The following RAP2A variants were observed in gnomAD, a reference collection of about 807,000 sequenced individuals.
The protein encoded by RAP2A is ras-related protein Rap-2a.
A neutral mutation model predicts 15.1 loss-of-function variants in RAP2A; 5 were observed. The ratio of observed to expected loss-of-function variants is 0.33; its 90% CI spans 0.17 to 0.70. The LOEUF is 0.70. Ranked by LOEUF, RAP2A falls within the 30% of genes least tolerant of loss-of-function variation. The pLI is 0.68. For synonymous variants in RAP2A, 110 were observed against 99.7 expected, an observed-to-expected ratio of 1.10 and a Z score of -0.62; for missense variants, 111 against 240.3, an observed-to-expected ratio of 0.46 and a Z score of 3.56.
At chr13:97,443,192 AATATCTT>A (rs1380847846) in intron 1 of RAP2A, among the ~76,000 whole-genome samples, 1 of 152,230 alleles carries the variant, frequency 6.6e-6, no homozygotes, top group Non-Finnish European at 1.5e-5. Flanking sequence ...TAAAACTATA[AATATCTT>A]AAAATCACTT....
At position 97,454,304 on chromosome 13, in the gene RAP2A, G is replaced by A. The variant is rs543804768; in HGVS notation, c.315-9901G>A. On this transcript the variant is annotated intron_variant, in intron 1 of 1. Coordinates refer to ENST00000245304, the MANE Select transcript of RAP2A (RefSeq NM_021033.7). ...TTTTTATTCATGTGTTTAAACCTGC[G>A]TTTAATGTAATTGCTAATATGCTTC... is the stretch of plus-strand genomic sequence containing the variant. Among the ~76,000 whole-genome samples, 112 of 150,906 alleles carry A rather than the reference G, an allele frequency of 7.4e-4. 6 individuals carry two copies. The highest frequency in any genetic ancestry group is 2.1e-3 in the South Asian group (10 of 4,754).
chr13:97,454,604 A>G (rs1948619642), intron 1 of RAP2A, among the ~76,000 whole-genome samples: 1 of 151,182 alleles, frequency 6.6e-6, no homozygotes, highest in Admixed American at 6.6e-5. Flanking sequence ...CGTTACATCC[A>G]CCTATATCAA....
At chr13:97,441,049 A>G (rs921276656) in intron 1 of RAP2A, among the ~76,000 whole-genome samples, 3 of 152,172 alleles carry the variant, frequency 2.0e-5, no homozygotes, top group African/African-American at 7.2e-5. Context: ...AGGTTACAGT[A>G]TATAGTTTTC....
intron 1 of RAP2A, among the ~76,000 whole-genome samples, chr13:97,455,075 C>T (rs938205788): frequency 1.3e-5 from 2 of 151,308 alleles, no homozygotes; most frequent in Admixed American, 6.6e-5. Context: ...TTTGATTATA[C>T]TGTGCTTTGA....
intron 1 of RAP2A, among the ~76,000 whole-genome samples, chr13:97,449,033 T>C (rs1366486715): frequency 6.6e-6 from 1 of 152,130 alleles, no homozygotes; most frequent in African/African-American, 2.4e-5. Flanking sequence ...GACTTTAGCA[T>C]AGTAAGTTGC....
intron 1 of RAP2A, among the ~76,000 whole-genome samples, chr13:97,438,835 G>T (rs2066644924): frequency 6.6e-6 from 1 of 152,038 alleles, no homozygotes; most frequent in Non-Finnish European, 1.5e-5. Flanking sequence ...CTAGCACATA[G>T]GAAACAAGAA....
intron 1 of RAP2A, among the ~76,000 whole-genome samples, chr13:97,446,146 A>G (rs2066678518): frequency 6.6e-6 from 1 of 152,108 alleles, no homozygotes; most frequent in African/African-American, 2.4e-5. Flanking sequence ...TTTATCTGGG[A>G]CAGTTCAGGT....
intron 1 of RAP2A, among the ~76,000 whole-genome samples, chr13:97,445,600 A>T (rs528228079): frequency 6.6e-6 from 1 of 152,324 alleles, no homozygotes; most frequent in African/African-American, 2.4e-5. Flanking sequence ...TTCTTGCTGG[A>T]TGGTCAACTA....
intron 1 of RAP2A, among the ~76,000 whole-genome samples, chr13:97,449,028 T>C (rs2066691172): frequency 1.3e-5 from 2 of 152,116 alleles, no homozygotes; most frequent in East Asian, 1.9e-4. Flanking sequence ...GTGGAGACTT[T>C]AGCATAGTAA....
intron 1 of RAP2A, among the ~76,000 whole-genome samples, chr13:97,435,778 T>C (rs2153178885): frequency 6.6e-6 from 1 of 152,346 alleles, no homozygotes. Context: ...AATTACACAT[T>C]ACTGTTTCAT....
rs965509906 is a variant in RAP2A, at chr13:97,466,218, A to G, written c.*1776A>G. The G allele has an allele frequency of 9.9e-5, 15 of 152,152 alleles. No individual in the cohort carries two copies. The highest frequency in any genetic ancestry group is 1.9e-4 in the Non-Finnish European group (13 of 68,026). The allele number at this position is 152,152 out of a possible 1,614,324, so 9.4% of individuals were successfully genotyped here. Reference sequence around the variant, plus strand: ...ATTAAGCTTAGAGGGTGAAAAAAAAAAAAAAGATTGATAGTATTTTTCATA... The same window carrying G: ...ATTAAGCTTAGAGGGTGAAAAAAAAGAAAAAGATTGATAGTATTTTTCATA... On this transcript the variant is annotated 3_prime_UTR_variant, in exon 2 of 2. Coordinates refer to ENST00000245304, the MANE Select transcript of RAP2A (RefSeq NM_021033.7).
intron 1 of RAP2A, among the ~76,000 whole-genome samples, chr13:97,460,492 G>T (rs1204321564): frequency 6.6e-6 from 1 of 152,120 alleles, no homozygotes; most frequent in African/African-American, 2.4e-5. Flanking sequence ...CCCCTTCTGG[G>T]ACAGGAGTCC....
intron 1 of RAP2A, among the ~76,000 whole-genome samples, chr13:97,442,766 A>G (rs997870999): frequency 6.6e-6 from 1 of 152,320 alleles, no homozygotes; most frequent in South Asian, 2.1e-4. Context: ...TTAATATTTC[A>G]TCTTCTCTCT....
intron 1 of RAP2A, among the ~76,000 whole-genome samples, chr13:97,453,677 C>T (rs1388019206): frequency 6.6e-6 from 1 of 151,078 alleles, no homozygotes; most frequent in Non-Finnish European, 1.5e-5. Flanking sequence ...CATTTGTGTA[C>T]AGGTTTTTAT....
In RAP2A at chr13:97,451,083, T is replaced by C. The variant is rs1364340800; in HGVS notation, c.315-13122T>C. Reference sequence around the variant, plus strand: ...AGAAGTTTAAAATTGGTTAGTGATATTCTGCTGAGTAAGAAACTGACTGTG... The same window carrying C: ...AGAAGTTTAAAATTGGTTAGTGATACTCTGCTGAGTAAGAAACTGACTGTG... On this transcript the variant is annotated intron_variant, in intron 1 of 1. Coordinates refer to ENST00000245304, the MANE Select transcript of RAP2A (RefSeq NM_021033.7). 2.6e-5 allele frequency among the ~76,000 whole-genome samples: 4 copies of C among 152,204 alleles called. No individual in the cohort carries two copies. The East Asian group carries it at 5.8e-4, about 22-fold the overall frequency.
chr13:97,464,337 T>G lies in RAP2A; in HGVS notation c.447T>G (p.Ser149Arg), dbSNP rs780382181. The change falls in exon 2 of 2, where the codon AGT becomes AGG. Residue 149 changes from serine to arginine, a missense_variant. Transcript: ENST00000245304. ...GCPFMETSAK[S>R]KTMVDELFAE... ...CCTTTATGGAAACTTCCGCTAAGAG[T>G]AAAACAATGGTGGACGAACTCTTTG... The G allele has an allele frequency of 1.7e-5, 27 of 1,613,838 alleles. No homozygotes were observed. Among genetic ancestry groups the G allele is most frequent in the Non-Finnish European group, 2.2e-5 (26 of 1,179,972 alleles).
intron 1 of RAP2A, among the ~76,000 whole-genome samples, chr13:97,442,462 T>G (rs564918999): frequency 2.0e-5 from 3 of 152,254 alleles, no homozygotes; most frequent in African/African-American, 7.2e-5. Context: ...TTTTTATAGA[T>G]CCACTCAGCA....
intron 1 of RAP2A, among the ~76,000 whole-genome samples, chr13:97,448,808 C>T (rs2066690258): frequency 2.0e-5 from 3 of 152,116 alleles, no homozygotes; most frequent in Admixed American, 6.6e-5. Flanking sequence ...AGTTTTATTA[C>T]TTGGTGCTAG....
chr13:97,458,830 T>C (rs1254570645), intron 1 of RAP2A, among the ~76,000 whole-genome samples: 1 of 152,158 alleles, frequency 6.6e-6, no homozygotes, highest in East Asian at 1.9e-4. Flanking sequence ...GTTACTGATA[T>C]TTTAAAAAGC....
Sources: allele counts gnomAD v4.1 joint callset (sites outside exome capture counted in the v4.1 genomes callset), GRCh38; gene constraint gnomAD v4.1.1; transcripts MANE v1.5; gene names NCBI Gene and HGNC (gene_info 2026-07-23, HGNC 2026-07-21).